GREB1L: variants seen among roughly 807,000 people sequenced by gnomAD.
GREB1L encodes GREB1 like retinoic acid receptor coactivator, also known as GREB1-like protein.
Under a neutral mutation model 200.8 loss-of-function variants are expected in GREB1L, and 17 were observed. The observed-to-expected ratio is 0.08, with a 90% CI of 0.06 to 0.13. The LOEUF (loss-of-function observed/expected upper bound fraction) is 0.13, where lower values mean the gene tolerates loss of function less well. Among genes scored for constraint, GREB1L ranks in the 10% least tolerant of loss-of-function variants. GREB1L has a pLI of 1.00. For missense variants in GREB1L, 1,657 were observed against 2,367.7 expected (o/e 0.70, Z 6.23); for synonymous variants, 789 against 893.0 (o/e 0.88, Z 2.08).
intron 1 of GREB1L, among the ~76,000 whole-genome samples, chr18:21,364,586 A>G (rs1307927676): frequency 1.3e-5 from 2 of 152,228 alleles, no homozygotes; most frequent in African/African-American, 4.8e-5. Context: ...AGCTATACAA[A>G]TGGTTGAGTA....
intron 18 of GREB1L, among the ~76,000 whole-genome samples, 170 bp from the exon 19 acceptor site, chr18:21,489,842 C>T (rs1568052966): frequency 6.6e-6 from 1 of 152,170 alleles, no homozygotes; most frequent in Non-Finnish European, 1.5e-5. Context: ...GGAAGCTCAA[C>T]CTTTTCCTTC....
intron 27 of GREB1L, among the ~76,000 whole-genome samples, chr18:21,511,072 T>C (rs2037220512): frequency 6.6e-6 from 1 of 152,158 alleles, no homozygotes; most frequent in East Asian, 1.9e-4. Flanking sequence ...TCAGATACAC[T>C]CTTGGTAAAG....
chr18:21,419,903 T>A (rs1209027582), intron 7 of GREB1L, among the ~76,000 whole-genome samples: 4 of 152,220 alleles, frequency 2.6e-5, no homozygotes, highest in African/African-American at 9.6e-5. Context: ...AGGTCATAGA[T>A]GTAAATGTTA....
chr18:21,268,828 G>A (rs368207657), intron 1 of GREB1L, among the ~76,000 whole-genome samples: 1 of 151,408 alleles, frequency 6.6e-6, no homozygotes, highest in East Asian at 2.0e-4. Context: ...GAACTCCTGG[G>A]CTCAAGTGAT....
At chr18:21,426,958 C>CAAAAAAAAAAAAACCAAAA (rs2032633830) in intron 7 of GREB1L, among the ~76,000 whole-genome samples, 1 of 68,426 alleles carries the variant, frequency 1.5e-5, no homozygotes, top group Non-Finnish European at 4.2e-5. Flanking sequence ...GACTACGTCT[C>CAAAAAAAAAAAAACCAAAA]AAAAAAAAAA....
chr18:21,334,259 T>TAA (rs2039151353), intron 1 of GREB1L, among the ~76,000 whole-genome samples: 1 of 152,194 alleles, frequency 6.6e-6, no homozygotes, highest in Non-Finnish European at 1.5e-5. Context: ...AGTCTTGTTT[T>TAA]AATTCCACTT....
chr18:21,376,397 C>T (rs2040072076), intron 2 of GREB1L, among the ~76,000 whole-genome samples: 1 of 140,456 alleles, frequency 7.1e-6, no homozygotes, highest in African/African-American at 2.7e-5. Flanking sequence ...GCTGGGATTA[C>T]AGGAATGAGC....
chr18:21,473,939 TATC>T (rs1258024357), intron 16 of GREB1L, among the ~76,000 whole-genome samples: 2 of 152,042 alleles, frequency 1.3e-5, no homozygotes, highest in Non-Finnish European at 2.9e-5. Context: ...CCTCTGATAA[TATC>T]ATCAGATCTC....
intron 7 of GREB1L, among the ~76,000 whole-genome samples, chr18:21,407,134 A>G (rs2144628268): frequency 6.6e-6 from 1 of 152,226 alleles, no homozygotes; most frequent in East Asian, 1.9e-4. Flanking sequence ...CTTGGCTCCC[A>G]AAGTGCTGGG....
At chr18:21,366,370 C>T (rs1040375523) in intron 2 of GREB1L, among the ~76,000 whole-genome samples, 1 of 151,908 alleles carries the variant, frequency 6.6e-6, no homozygotes, top group Non-Finnish European at 1.5e-5. Flanking sequence ...TCCTATATAC[C>T]TAAATTAAGA....
rs1264820743 is a variant in GREB1L, at chr18:21,433,727, G to A, written c.833-5794G>A. Reference sequence around the variant, plus strand: ...TAGATGAATCAGGAATCATGTTGTGGGATGAATAATTTTCTAGGTAATTTC... The same window carrying A: ...TAGATGAATCAGGAATCATGTTGTGAGATGAATAATTTTCTAGGTAATTTC... On this transcript the variant is annotated intron_variant, in intron 7 of 32. Coordinates refer to ENST00000424526, the MANE Select transcript of GREB1L (RefSeq NM_001142966.3). Among the ~76,000 whole-genome samples, 5 of 152,126 alleles carry A rather than the reference G, an allele frequency of 3.3e-5. No individual in the cohort carries two copies. In the East Asian group the frequency reaches 7.7e-4, roughly 23 times the overall value.
chr18:21,353,038 C>T (rs1302205279), intron 1 of GREB1L, among the ~76,000 whole-genome samples: 8 of 151,748 alleles, frequency 5.3e-5, no homozygotes, highest in African/African-American at 1.7e-4. Flanking sequence ...AAAAGTTAGC[C>T]GGGCATGGTG....
chr18:21,260,564 G>T (rs2037873175), intron 1 of GREB1L, among the ~76,000 whole-genome samples: 1 of 151,902 alleles, frequency 6.6e-6, no homozygotes, highest in Non-Finnish European at 1.5e-5. Flanking sequence ...ACATGCAAAG[G>T]ACCATTTGTT....
At chr18:21,294,239 G>A (rs1041461596) in intron 1 of GREB1L, among the ~76,000 whole-genome samples, 5 of 152,138 alleles carry the variant, frequency 3.3e-5, no homozygotes, top group South Asian at 2.1e-4. Flanking sequence ...ATAGTGGCAT[G>A]TGAGGCTAGT....
Position 21,508,130 on chromosome 18 carries a change from A to G in GREB1L, c.4381A>G (p.Thr1461Ala). 1 of 1,551,472 alleles carries G rather than the reference A, an allele frequency of 6.4e-7. No homozygotes were observed. ...FTSASQMSDS[T>A]LHAFTFSSSM... is the part of the protein sequence containing the mutation. The stretch of plus-strand genomic sequence containing the variant: ...TTTGCAAATGTAGATGTCTGACTCC[A>G]CCCTTCATGCCTTCACATTCTCTTC... The change falls in exon 26 of 33, where the codon ACC becomes GCC. Residue 1461 changes from threonine (T) to alanine (A), a missense_variant. This residue lies in a region of GREB1L where 512 missense variants were observed against 668.3 expected (regional missense o/e 0.77). Coordinates refer to ENST00000424526, the MANE Select transcript of GREB1L (RefSeq NM_001142966.3).
intron 27 of GREB1L, 168 bp downstream of exon 27, chr18:21,508,759 A>G (rs1598948478): frequency 9.4e-6 from 6 of 640,164 alleles, no homozygotes; most frequent in Non-Finnish European, 1.6e-5. Flanking sequence ...CTTGAATTTG[A>G]GTTTTCTTTT....
In GREB1L at chr18:21,496,365, C is replaced by T. The variant is rs181457803; in HGVS notation, c.3147-89C>T. On this transcript the variant is annotated intron_variant, in intron 20 of 32. Coordinates refer to ENST00000424526, the MANE Select transcript of GREB1L (RefSeq NM_001142966.3). ...GCACTGAAACCTATGATTTTAACTG[C>T]TGTGTGTTGCATCCAGATCACCAGG... 3.9e-4 allele frequency: 535 copies of T among 1,388,414 alleles called. 2 individuals carry two copies. The highest frequency in any genetic ancestry group is 2.9e-3 in the Middle Eastern group (16 of 5,566). 86.0% of individuals were successfully genotyped at this position (1,388,414 alleles called of 1,614,324 possible).
At chr18:21,500,340 C>A in intron 22 of GREB1L, 34 bp downstream of exon 22, 1 of 964,298 alleles carries the variant, frequency 1.0e-6, no homozygotes, top group Non-Finnish European at 1.6e-6. Context: ...GTTTCTTAGG[C>A]TGGGGTTGGC....
At chr18:21,323,119 T>C (rs1402744745) in intron 1 of GREB1L, among the ~76,000 whole-genome samples, 3 of 152,038 alleles carry the variant, frequency 2.0e-5, no homozygotes, top group Non-Finnish European at 4.4e-5. Context: ...ACCCCACCTC[T>C]ACTAGAAATA....
Sources: gnomAD v4.1 joint callset for allele counts (sites outside exome capture counted in the v4.1 genomes callset) on GRCh38, gnomAD v4.1.1 for gene constraint, gnomAD v4.1.1 regional missense constraint, MANE v1.5 for transcripts, NCBI Gene and HGNC (gene_info 2026-07-23, HGNC 2026-07-21) for gene names.